The following AHCTF1 variants were observed in gnomAD, a reference collection of about 807,000 sequenced individuals.
AHCTF1 encodes the protein AT-hook containing transcription factor 1.
Under a neutral mutation model 248.4 loss-of-function variants are expected in AHCTF1, and 24 were observed. The observed-to-expected ratio is 0.10, with a 90% CI of 0.07 to 0.14. AHCTF1 has a LOEUF of 0.14. Among genes scored for constraint, AHCTF1 ranks in the 10% least tolerant of loss-of-function variants. The pLI, the probability that AHCTF1 is intolerant of heterozygous loss-of-function variation, is 1.00. For missense variants in AHCTF1, 2,206 were observed against 2,636.2 expected, an observed-to-expected ratio of 0.84 and a Z score of 3.57; for synonymous variants, 786 against 929.8, an observed-to-expected ratio of 0.85 and a Z score of 2.81.
chr1:246,928,040 G>A lies in AHCTF1; in HGVS notation c.-8+3538C>T, dbSNP rs558731070. Among the ~76,000 whole-genome samples the A allele has an allele frequency of 1.6e-3, 250 of 151,904 alleles. 1 individual carries two copies. The highest frequency in any genetic ancestry group is 5.5e-3 in the African/African-American group (229 of 41,434). ...TAATTAAATTAAATACTGTTCGGCC[G>A]GGTGCGGTGGCTCACGCCTGTAATC... is the stretch of plus-strand genomic sequence containing the variant. On this transcript the variant is annotated intron_variant, in intron 1 of 35. Coordinates refer to ENST00000648844, the MANE Select transcript of AHCTF1 (RefSeq NM_001323342.2).
chr1:246,862,953 C>T (rs1005526688), intron 27 of AHCTF1, among the ~76,000 whole-genome samples: 4 of 152,118 alleles, frequency 2.6e-5, no homozygotes, highest in African/African-American at 9.7e-5. Context: ...GCCTAGTAAA[C>T]AAATTACTGA....
intron 21 of AHCTF1, among the ~76,000 whole-genome samples, chr1:246,880,681 T>C (rs955811880): frequency 6.6e-6 from 1 of 152,100 alleles, no homozygotes; most frequent in Non-Finnish European, 1.5e-5. Flanking sequence ...ATTAATTTGA[T>C]AATAATATAG....
chr1:246,847,266 G>T (rs1437436535), intron 33 of AHCTF1, among the ~76,000 whole-genome samples: 1 of 149,100 alleles, frequency 6.7e-6, no homozygotes, highest in African/African-American at 2.5e-5. Context: ...TCCAGCCTGG[G>T]TAACAACAGC....
At chr1:246,927,516 T>C (rs1667024430) in intron 1 of AHCTF1, among the ~76,000 whole-genome samples, 1 of 152,166 alleles carries the variant, frequency 6.6e-6, no homozygotes, top group Non-Finnish European at 1.5e-5. Flanking sequence ...TTAGAAAGAA[T>C]ATCTCATATA....
In AHCTF1 at chr1:246,850,471, T is replaced by C; in HGVS notation, c.5535A>G (p.Lys1845=). 3 of 1,596,772 alleles carry C rather than the reference T, an allele frequency of 1.9e-6. No individual in the cohort carries two copies. The highest frequency in any genetic ancestry group is 2.6e-6 in the Non-Finnish European group (3 of 1,173,222). ...ITTGRESKRL[K]SSQLLEPAVE... ...CTGCTGGTTCCAACAGCTGAGATGA[T>C]TTTAATCTTTTTGATTCCCTACCTG... is the stretch of plus-strand genomic sequence containing the variant. Residue 1845 remains lysine, a synonymous_variant, in exon 33 of 36, where the codon AAA becomes AAG. Coordinates refer to ENST00000648844, the MANE Select transcript of AHCTF1 (RefSeq NM_001323342.2).
chr1:246,891,775 G>A lies in AHCTF1; in HGVS notation c.1945+4C>T, dbSNP rs570410826. ...ACACTCATTTGATAAAACAAAGAGCGTACCTCTCTCAGTGATCTCTCGGGC... is the reference window on the plus strand; with the variant it reads ...ACACTCATTTGATAAAACAAAGAGCATACCTCTCTCAGTGATCTCTCGGGC... On this transcript the variant is annotated splice_donor_region_variant and intron_variant, in intron 15 of 35. Transcript: ENST00000648844. The A allele has an allele frequency of 2.0e-5, 32 of 1,607,598 alleles. No homozygotes were observed. Among genetic ancestry groups the A allele is most frequent in the Admixed American group, 1.9e-4 (11 of 58,304 alleles).
At chr1:246,902,113 C>G (rs1175402820) in intron 8 of AHCTF1, among the ~76,000 whole-genome samples, 1 of 152,140 alleles carries the variant, frequency 6.6e-6, no homozygotes, top group Non-Finnish European at 1.5e-5. Flanking sequence ...TTACGATAAT[C>G]TTGGCTTAAA....
chr1:246,895,170 T>C (rs1360095132), intron 13 of AHCTF1, among the ~76,000 whole-genome samples: 3 of 152,208 alleles, frequency 2.0e-5, no homozygotes, highest in African/African-American at 7.2e-5. Flanking sequence ...GAGCTCTCTC[T>C]ACCCTCTAAA....
rs1368613325 is a variant in AHCTF1, at chr1:246,923,126, AAAGAT to A, written c.-7-4754_-7-4750del. Among the ~76,000 whole-genome samples the A allele has an allele frequency of 6.6e-5, 10 of 151,030 alleles. No individual in the cohort carries two copies. The East Asian group carries it at 7.8e-4, about 12-fold the overall frequency. The stretch of plus-strand genomic sequence containing the variant: ...ATAATACCAAAAAAAAAAAAAAAAA[AAAGAT>A]AGGCTGGGCACGGTGGCCCATGCCT... On this transcript the variant is annotated intron_variant, in intron 1 of 35. Transcript: ENST00000648844.
chr1:246,910,702 A>AG (rs1272306372), intron 4 of AHCTF1, among the ~76,000 whole-genome samples: 2 of 152,204 alleles, frequency 1.3e-5, no homozygotes, highest in African/African-American at 4.8e-5. Context: ...ATTGTTATAA[A>AG]GGGGGAAAAA....
In AHCTF1 at chr1:246,917,013, T is replaced by A. The variant is rs558513389; in HGVS notation, c.122-618A>T. 9.2e-5 allele frequency among the ~76,000 whole-genome samples: 14 copies of A among 152,368 alleles called. 1 individual carries two copies. Among genetic ancestry groups the A allele is most frequent in the Middle Eastern group, 6.8e-3 (2 of 294 alleles). ...CTCTTCTCCGCCTATTAGTCATGTT[T>A]GGATTTTACCCTGCCTGCAATGTAA... On this transcript the variant is annotated intron_variant, in intron 2 of 35. Coordinates refer to ENST00000648844, the MANE Select transcript of AHCTF1 (RefSeq NM_001323342.2).
At chr1:246,876,830 A>G in intron 23 of AHCTF1, 120 bp downstream of exon 23, 1 of 1,229,864 alleles carries the variant, frequency 8.1e-7, no homozygotes, top group East Asian at 2.3e-5. Context: ...AGGATTCTCC[A>G]AGTTCAAGGT....
chr1:246,853,048 A>G, intron 32 of AHCTF1, 43 bp downstream of exon 32: 1 of 1,486,850 alleles, frequency 6.7e-7, no homozygotes, highest in Admixed American at 2.0e-5. Context: ...ACTAAACCAA[A>G]ACTGAAAGAC....
rs1289474370 is a variant in AHCTF1 at position 246,918,254 on chromosome 1, A to G, written c.117T>C (p.Ala39=). ...GTTCAGTGACATTATGTTTACCTGCAGCAAACTTTCCACGAAGCACAGATT... is the reference window on the plus strand; with the variant it reads ...GTTCAGTGACATTATGTTTACCTGCGGCAAACTTTCCACGAAGCACAGATT... ...TLESVLRGKF[A]AGKNGLACLA... The change falls in exon 2 of 36, where the codon GCT becomes GCC. Residue 39 remains alanine (A), a synonymous_variant. Coordinates refer to ENST00000648844, the MANE Select transcript of AHCTF1 (RefSeq NM_001323342.2). The G allele has an allele frequency of 6.2e-7, 1 of 1,606,540 alleles. No individual in the cohort carries two copies. The highest frequency in any genetic ancestry group is 1.7e-5 in the Admixed American group (1 of 59,522).
intron 33 of AHCTF1, 126 bp downstream of exon 33, chr1:246,849,489 G>T: frequency 8.3e-7 from 1 of 1,199,292 alleles, no homozygotes; most frequent in Non-Finnish European, 1.2e-6. Context: ...ACTACTAAAA[G>T]ATCAATTTTG....
Position 246,905,619 on chromosome 1 carries a change from T to C in AHCTF1, c.803A>G (p.Tyr268Cys), listed in dbSNP as rs758562770. 4 of 1,613,082 alleles carry C rather than the reference T, an allele frequency of 2.5e-6. No homozygotes were observed. The highest frequency in any genetic ancestry group is 2.2e-5 in the South Asian group (2 of 91,038). Residue 268 changes from tyrosine to cysteine, a missense_variant, in exon 6 of 36, where the codon TAT (tyrosine) becomes TGT (cysteine). Physicochemically the swap from Tyr to Cys is radical, Grantham distance 194. Around this residue, in one of 6 missense-constraint regions of AHCTF1, gnomAD observed 650 missense variants for 870.8 expected, o/e 0.75. Coordinates refer to ENST00000648844, the MANE Select transcript of AHCTF1 (RefSeq NM_001323342.2). The part of the protein sequence containing the change: ...IQLESGQVPV[Y>C]AVTFQEPEND... ...CTCAGGTTCTTGAAAAGTGACAGCA[T>C]ATACAGGAACTTGTCCACTTTCCAA...
In AHCTF1 at chr1:246,853,206, G is replaced by A. The variant is rs369119391; in HGVS notation, c.4448C>T (p.Ala1483Val). ...TTCATGATCTTCTTTTAAGTTCAGC[G>A]CTACTTCCTGGTTAAGCCTGCGCTC... is the stretch of plus-strand genomic sequence containing the variant. ...VSERRLNQEVALNLKEDHEVE... is the reference protein window; with the variant it reads ...VSERRLNQEVVLNLKEDHEVE... Residue 1483 changes from alanine to valine, a missense_variant, in exon 32 of 36, where the codon GCG becomes GTG. Coordinates refer to ENST00000648844, the MANE Select transcript of AHCTF1 (RefSeq NM_001323342.2). 40 of 1,613,258 alleles carry A rather than the reference G, an allele frequency of 2.5e-5. No homozygotes were observed. Among genetic ancestry groups the A allele is most frequent in the African/African-American group, 2.1e-4 (16 of 74,854 alleles).
At chr1:246,873,572 T>C (rs1017716373) in intron 24 of AHCTF1, among the ~76,000 whole-genome samples, 2 of 152,052 alleles carry the variant, frequency 1.3e-5, no homozygotes, top group African/African-American at 4.8e-5. Flanking sequence ...CTAGAGACAA[T>C]ACACTAGTCA....
intron 8 of AHCTF1, among the ~76,000 whole-genome samples, chr1:246,901,562 T>C (rs1558262341): frequency 6.6e-6 from 1 of 152,058 alleles, no homozygotes; most frequent in East Asian, 1.9e-4. Context: ...AGGCGGAGCT[T>C]GCAGTGAGCT....
Sources: gnomAD v4.1 joint callset for allele counts (sites outside exome capture counted in the v4.1 genomes callset) on GRCh38, gnomAD v4.1.1 for gene constraint, gnomAD v4.1.1 regional missense constraint, MANE v1.5 for transcripts, NCBI Gene and HGNC (gene_info 2026-07-23, HGNC 2026-07-21) for gene names.